PLEKHA5: variants seen among roughly 807,000 people sequenced by gnomAD.
PLEKHA5 encodes the protein pleckstrin homology domain-containing family A member 5.
A neutral mutation model predicts 181.9 loss-of-function variants in PLEKHA5; 55 were observed. The ratio of observed to expected loss-of-function variants is 0.30; its 90% confidence interval spans 0.24 to 0.38. The LOEUF (loss-of-function observed/expected upper bound fraction) is 0.38. Among genes scored for constraint, PLEKHA5 ranks in the 10% least tolerant of loss-of-function variants. The pLI is 1.00. For synonymous variants in PLEKHA5, 535 were observed against 529.4 expected (o/e 1.01, Z -0.15); for missense variants, 1,432 against 1,549.5 (o/e 0.92, Z 1.27).
chr12:19,235,118 TTC>T (rs1245616293), intron 3 of PLEKHA5, among the ~76,000 whole-genome samples: 1 of 152,210 alleles, frequency 6.6e-6, no homozygotes, highest in Non-Finnish European at 1.5e-5. Flanking sequence ...GAATCACTAC[TTC>T]TCTAAAACAT....
chr12:19,181,286 T>C (rs1483054521), intron 3 of PLEKHA5, among the ~76,000 whole-genome samples: 1 of 152,166 alleles, frequency 6.6e-6, no homozygotes, highest in African/African-American at 2.4e-5. Flanking sequence ...ATAATGTGAT[T>C]AAATGAAGTA....
chr12:19,166,797 T>C (rs1410164390), intron 3 of PLEKHA5, among the ~76,000 whole-genome samples: 2 of 152,246 alleles, frequency 1.3e-5, no homozygotes, highest in East Asian at 3.8e-4. Flanking sequence ...AAATTTATTT[T>C]TCCCTAACTA....
chr12:19,267,487 T>C (rs1015953665), intron 8 of PLEKHA5, among the ~76,000 whole-genome samples: 1 of 151,082 alleles, frequency 6.6e-6, no homozygotes, highest in African/African-American at 2.4e-5. Context: ...TGGTGAAACC[T>C]CGTCTGTACT....
At chr12:19,179,714 C>G (rs556235219) in intron 3 of PLEKHA5, among the ~76,000 whole-genome samples, 1 of 151,992 alleles carries the variant, frequency 6.6e-6, no homozygotes, top group African/African-American at 2.4e-5. Flanking sequence ...ATGTTTAGAG[C>G]GTAAATTTTT....
Position 19,205,310 on chromosome 12 carries a change from T to C in PLEKHA5, c.228-48630T>C, listed in dbSNP as rs143019204. On this transcript the variant is annotated intron_variant, in intron 3 of 31. Transcript: ENST00000429027. ...ACTGCGGTGTGGTTCAGTTTTCTTA[T>C]AGTGGAAAGAGCAGAAAAGAGATCA... is the stretch of plus-strand genomic sequence containing the variant. 178 of 898,996 alleles carry C rather than the reference T, an allele frequency of 2.0e-4. No homozygotes were observed. In the African/African-American group the frequency reaches 2.5e-3, roughly 13 times the overall value. The allele number at this position is 898,996 out of a possible 1,614,324, so 55.7% of individuals were successfully genotyped here. A position where few individuals can be genotyped will look rare whatever the true frequency, so the allele number is the denominator to read the frequency against.
intron 3 of PLEKHA5, among the ~76,000 whole-genome samples, chr12:19,203,764 C>T (rs965067295): frequency 6.6e-6 from 1 of 152,122 alleles, no homozygotes; most frequent in African/African-American, 2.4e-5. Context: ...TAGTTGTACT[C>T]ATTTTTGTTT....
chr12:19,192,272 G>A (rs950679161), intron 3 of PLEKHA5, among the ~76,000 whole-genome samples: 2 of 152,060 alleles, frequency 1.3e-5, no homozygotes, highest in African/African-American at 2.4e-5. Flanking sequence ...AGTCAAAGGT[G>A]TAAAAAGGAC....
intron 25 of PLEKHA5, among the ~76,000 whole-genome samples, chr12:19,348,815 T>C (rs764119653): frequency 1.8e-4 from 27 of 152,098 alleles, no homozygotes; most frequent in South Asian, 1.2e-3. Flanking sequence ...TAAAAGACAT[T>C]AGCTGGGCAT....
intron 3 of PLEKHA5, among the ~76,000 whole-genome samples, chr12:19,198,181 A>G (rs187823451): frequency 2.0e-4 from 30 of 152,316 alleles, no homozygotes; most frequent in East Asian, 1.9e-4. Flanking sequence ...GATCTTGTCA[A>G]TGTCTTCCAG....
chr12:19,195,755 G>T (rs1442774612), intron 3 of PLEKHA5, among the ~76,000 whole-genome samples: 1 of 150,670 alleles, frequency 6.6e-6, no homozygotes, highest in African/African-American at 2.4e-5. Flanking sequence ...TGCCTTTTAG[G>T]TATATATCTA....
intron 3 of PLEKHA5, among the ~76,000 whole-genome samples, chr12:19,168,086 C>T (rs2044961362): frequency 6.6e-6 from 1 of 152,144 alleles, no homozygotes; most frequent in African/African-American, 2.4e-5. Context: ...CATCCTGTCC[C>T]AGAAGGAGTT....
At chr12:19,356,193 C>G (rs1468540779) in intron 26 of PLEKHA5, among the ~76,000 whole-genome samples, 2 of 150,806 alleles carry the variant, frequency 1.3e-5, no homozygotes, top group African/African-American at 4.9e-5. Context: ...ACAACACACA[C>G]ACAAATATAA....
intron 5 of PLEKHA5, among the ~76,000 whole-genome samples, chr12:19,255,884 G>GA (rs60570882): frequency 0.019 from 1,706 of 91,726 alleles, 7 homozygotes; most frequent in African/African-American, 0.026. Flanking sequence ...TGGAAGATTT[G>GA]AAAAAAAAAA....
In PLEKHA5 at chr12:19,155,173, A is replaced by G. The variant is rs535216162; in HGVS notation, c.227+22723A>G. Among the ~76,000 whole-genome samples the G allele has an allele frequency of 2.6e-5, 4 of 152,336 alleles. No individual in the cohort carries two copies. In the South Asian group the frequency reaches 8.3e-4, roughly 32 times the overall value. On this transcript the variant is annotated intron_variant, in intron 3 of 31. Coordinates refer to ENST00000429027, the MANE Select transcript of PLEKHA5 (RefSeq NM_001256470.2). Reference sequence around the variant, plus strand: ...ATAGGAATTCTTAGTCTTCATCAGGAAGGTCATTATCACTAGGAAGACCTC... The same window carrying G: ...ATAGGAATTCTTAGTCTTCATCAGGGAGGTCATTATCACTAGGAAGACCTC...
chr12:19,273,023 C>G (rs2152726864), intron 10 of PLEKHA5, among the ~76,000 whole-genome samples: 1 of 152,146 alleles, frequency 6.6e-6, no homozygotes, highest in East Asian at 1.9e-4. Context: ...TCTCCTGCCT[C>G]AGCCTCCCGA....
chr12:19,357,534 C>A (rs1189999655), intron 26 of PLEKHA5, among the ~76,000 whole-genome samples: 1 of 152,220 alleles, frequency 6.6e-6, no homozygotes, highest in Admixed American at 6.5e-5. Context: ...GCGTGAGCCA[C>A]TGCACCCAGC....
At chr12:19,280,010 G>A (rs988841729) in intron 11 of PLEKHA5, among the ~76,000 whole-genome samples, 2 of 141,872 alleles carry the variant, frequency 1.4e-5, no homozygotes, top group African/African-American at 2.6e-5. Flanking sequence ...AGTCCAGAAT[G>A]CACTTAATTC....
chr12:19,232,530 A>T (rs1017291266), intron 3 of PLEKHA5, among the ~76,000 whole-genome samples: 1 of 152,124 alleles, frequency 6.6e-6, no homozygotes, highest in Non-Finnish European at 1.5e-5. Context: ...TAACTTGAAA[A>T]CTTGATATTT....
At chr12:19,197,830 T>TG (rs1252323216) in intron 3 of PLEKHA5, among the ~76,000 whole-genome samples, 1 of 140,572 alleles carries the variant, frequency 7.1e-6, no homozygotes, top group African/African-American at 2.6e-5. Context: ...CCACATTCAC[T>TG]GACCTCTTCA....
Sources: allele counts gnomAD v4.1 joint callset (sites outside exome capture counted in the v4.1 genomes callset), GRCh38; gene constraint gnomAD v4.1.1; transcripts MANE v1.5; gene names NCBI Gene and HGNC (gene_info 2026-07-23, HGNC 2026-07-21).